PHTF2: variants seen among roughly 807,000 people sequenced by gnomAD.
PHTF2 encodes putative homeodomain transcription factor 2, also known as protein PHTF2.
PHTF2 carries 60 observed loss-of-function variants against 101.2 expected under a neutral mutation model. The observed-to-expected ratio is 0.59, with a 90% CI of 0.48 to 0.73. PHTF2 has a LOEUF of 0.73. Ranked by LOEUF, PHTF2 falls within the 30% of genes least tolerant of loss-of-function variation. The probability of loss-of-function intolerance (pLI) is 0.00; values close to 1 mark genes in which losing one functional copy is unlikely to be tolerated. For synonymous variants in PHTF2, 311 were observed against 307.3 expected (o/e 1.01, Z -0.13); for missense variants, 747 against 908.7 (o/e 0.82, Z 2.29).
intron 9 of PHTF2, among the ~76,000 whole-genome samples, chr7:77,914,473 A>G (rs1310493197): frequency 6.6e-6 from 1 of 152,204 alleles, no homozygotes; most frequent in African/African-American, 2.4e-5. Context: ...ATGATGGTTC[A>G]CTGACTGGCT....
chr7:77,849,661 G>A (rs1158091653), intron 2 of PHTF2, among the ~76,000 whole-genome samples: 2 of 152,150 alleles, frequency 1.3e-5, no homozygotes, highest in South Asian at 2.1e-4. Context: ...TAGTATGCAC[G>A]TTTTAACAAT....
intron 11 of PHTF2, among the ~76,000 whole-genome samples, chr7:77,926,806 A>G (rs926411736): frequency 6.7e-6 from 1 of 150,304 alleles, no homozygotes; most frequent in African/African-American, 2.4e-5. Context: ...CCATCTCTCA[A>G]AAAAAAAACA....
At chr7:77,855,989 G>C (rs1410163742) in intron 3 of PHTF2, among the ~76,000 whole-genome samples, 2 of 152,146 alleles carry the variant, frequency 1.3e-5, no homozygotes, top group Non-Finnish European at 2.9e-5. Context: ...GTGCTTTCTT[G>C]TGTAGTTTGT....
intron 11 of PHTF2, among the ~76,000 whole-genome samples, chr7:77,927,893 A>AAGTAGC (rs1804208614): frequency 6.6e-6 from 1 of 152,208 alleles, no homozygotes; most frequent in Non-Finnish European, 1.5e-5. Context: ...CAAGGTCAAA[A>AAGTAGC]AGTAGCACAT....
intron 16 of PHTF2, among the ~76,000 whole-genome samples, chr7:77,947,933 G>A (rs2150990411): frequency 7.4e-6 from 1 of 135,736 alleles, no homozygotes; most frequent in Admixed American, 8.4e-5. Context: ...CTGCCTCCCC[G>A]GCTCAAGCAA....
rs774201076 is a variant in PHTF2 at position 77,940,528 on chromosome 7, C to T, written c.1741C>T (p.Arg581Ter). ...TAATCCTCATCTTAATCTTTTTTAG[C>T]GATTACTTTTTGCAAAACTCTTTGG... is the stretch of plus-strand genomic sequence containing the variant. The change falls in exon 15 of 20, where the codon CGA becomes TGA. Residue 581 changes from arginine to a stop codon, truncating the protein, a stop_gained and splice_region_variant. Coordinates refer to ENST00000416283, the Ensembl canonical transcript of PHTF2. LOFTEE classifies it high-confidence loss of function. 3.1e-6 allele frequency: 5 copies of T among 1,587,342 alleles called. No homozygotes were observed. The highest frequency in any genetic ancestry group is 1.4e-5 in the African/African-American group (1 of 73,472).
chr7:77,809,930 A>C (rs556513238), intron 1 of PHTF2, among the ~76,000 whole-genome samples: 1 of 152,312 alleles, frequency 6.6e-6, no homozygotes. Flanking sequence ...ACCCATTGCA[A>C]CCACACTAAA....
At chr7:77,947,841 T>C (rs1401714787) in intron 16 of PHTF2, among the ~76,000 whole-genome samples, 2 of 113,666 alleles carry the variant, frequency 1.8e-5, no homozygotes, top group Non-Finnish European at 3.7e-5. Context: ...TTCTTTCTTT[T>C]TTTTTTTTTT....
intron 9 of PHTF2, 105 bp from the exon 9 acceptor site, chr7:77,920,174 G>A (rs1376110164): frequency 4.9e-6 from 3 of 611,600 alleles, no homozygotes; most frequent in Non-Finnish European, 8.4e-6. Flanking sequence ...TTAAAATTTA[G>A]AGAAATAGCT....
intron 3 of PHTF2, among the ~76,000 whole-genome samples, chr7:77,890,402 T>G (rs1249274848): frequency 6.6e-6 from 1 of 152,022 alleles, no homozygotes; most frequent in Non-Finnish European, 1.5e-5. Flanking sequence ...TTTAGGATTA[T>G]AGGACATGTA....
intron 3 of PHTF2, among the ~76,000 whole-genome samples, chr7:77,892,051 GT>G (rs1445883278): frequency 6.6e-6 from 1 of 152,218 alleles, no homozygotes; most frequent in African/African-American, 2.4e-5. Flanking sequence ...GCTGAGGTGG[GT>G]GGATCACGAG....
intron 2 of PHTF2, among the ~76,000 whole-genome samples, chr7:77,842,311 C>G (rs1238562194): frequency 1.3e-5 from 2 of 152,052 alleles, no homozygotes; most frequent in Admixed American, 1.3e-4. Flanking sequence ...TCAAGTGAAC[C>G]TCTCACCTCA....
chr7:77,954,612 GTATATA>G lies in PHTF2; in HGVS notation c.2338-217_2338-212del, dbSNP rs66540211. Among the ~76,000 whole-genome samples, 754 of 90,188 alleles carry G rather than the reference GTATATA, an allele frequency of 8.4e-3. 8 individuals carry two copies. The highest frequency in any genetic ancestry group is 0.01 in the Non-Finnish European group (504 of 48,394). 59.2% of individuals were successfully genotyped at this position (90,188 alleles called of 152,430 possible). On this transcript the variant is annotated intron_variant, in intron 19 of 19. Transcript: ENST00000416283. The stretch of plus-strand genomic sequence containing the variant: ...GATAATCATATTAAACAAGTACTGT[GTATATA>G]TATATATATATATATATATATATAT...
intron 1 of PHTF2, among the ~76,000 whole-genome samples, chr7:77,839,478 T>C (rs1454330587): frequency 6.6e-6 from 1 of 152,244 alleles, no homozygotes; most frequent in Middle Eastern, 3.2e-3. Flanking sequence ...TGCAGAGTTA[T>C]AGAACATATC....
intron 12 of PHTF2, among the ~76,000 whole-genome samples, chr7:77,932,621 A>AGTGTGTGTGTGTGTGTGTGTGT (rs56005414): frequency 8.4e-6 from 1 of 118,474 alleles, no homozygotes; most frequent in African/African-American, 3.5e-5. Context: ...AGAGAGAGAG[A>AGTGTGTGTGTGTGTGTGTGTGT]GTGTGTGTGT....
At chr7:77,945,340 A>C (rs1313996813) in intron 16 of PHTF2, among the ~76,000 whole-genome samples, 5 of 152,228 alleles carry the variant, frequency 3.3e-5, no homozygotes, top group Non-Finnish European at 7.3e-5. Flanking sequence ...TGTCTCCAAA[A>C]GGAAAAAGAA....
chr7:77,841,908 G>A (rs1020751210), intron 2 of PHTF2, among the ~76,000 whole-genome samples: 2 of 151,926 alleles, frequency 1.3e-5, no homozygotes, highest in African/African-American at 4.8e-5. Flanking sequence ...TTCTATCTAC[G>A]GGAGTAATAA....
At chr7:77,867,008 T>C (rs1471518184) in intron 3 of PHTF2, among the ~76,000 whole-genome samples, 2 of 152,226 alleles carry the variant, frequency 1.3e-5, no homozygotes. Context: ...GATGACATAA[T>C]GGTTAATTAT....
exon 7 of PHTF2, chr7:77,901,896 C>T (rs1191972064): frequency 1.3e-6 from 2 of 1,589,790 alleles, no homozygotes; most frequent in Non-Finnish European, 1.7e-6. Context: ...CTTTTTCTGG[C>T]TTCTTGTCCT....
Sources: allele counts gnomAD v4.1 joint callset (sites outside exome capture counted in the v4.1 genomes callset), GRCh38; gene constraint gnomAD v4.1.1; transcripts MANE v1.5; gene names NCBI Gene and HGNC (gene_info 2026-07-23, HGNC 2026-07-21).